The following PLXNA2 variants were observed in gnomAD, a reference collection of about 807,000 sequenced individuals.
The protein encoded by PLXNA2 is plexin-A2.
Under a neutral mutation model 193.5 loss-of-function variants are expected in PLXNA2, and 91 were observed. The ratio of observed to expected loss-of-function variants is 0.47; its 90% CI spans 0.40 to 0.56. The LOEUF (loss-of-function observed/expected upper bound fraction) is 0.56, where lower values mean the gene tolerates loss of function less well. Ranked by LOEUF, PLXNA2 falls within the 20% of genes least tolerant of loss-of-function variation. The probability of loss-of-function intolerance (pLI) is 0.00; values close to 1 mark genes in which losing one functional copy is unlikely to be tolerated. For missense variants in PLXNA2, 1,995 were observed against 2,503.2 expected (o/e 0.80, Z 4.33); for synonymous variants, 997 against 1,027.3 (o/e 0.97, Z 0.56).
intron 5 of PLXNA2, among the ~76,000 whole-genome samples, chr1:208,099,885 C>T (rs1306133211): frequency 6.6e-6 from 1 of 151,898 alleles, no homozygotes; most frequent in East Asian, 1.9e-4. Flanking sequence ...TGACTCTTTA[C>T]AGCACTGTGG....
In PLXNA2 at chr1:208,084,581, C is replaced by T; in HGVS notation, c.2098-1G>A. The T allele has an allele frequency of 6.2e-7, 1 of 1,613,734 alleles. No individual in the cohort carries two copies. Among genetic ancestry groups the T allele is most frequent in the Non-Finnish European group, 8.5e-7 (1 of 1,179,676 alleles). On this transcript the variant is annotated splice_acceptor_variant, in intron 9 of 31. Transcript: ENST00000367033. LOFTEE classifies it high-confidence loss of function. ...CTGTGGGCACCAGCTGGGGACAGTC[C>T]TGGGGGAACAAACGAAGAGGCTCCA...
At chr1:208,036,223 A>T (rs1201297565) in intron 26 of PLXNA2, among the ~76,000 whole-genome samples, 1 of 152,224 alleles carries the variant, frequency 6.6e-6, no homozygotes, top group Non-Finnish European at 1.5e-5. Flanking sequence ...ATACCTGGAA[A>T]GCTTGGCAGG....
chr1:208,237,069 C>T (rs148467633), intron 1 of PLXNA2, among the ~76,000 whole-genome samples: 1 of 152,326 alleles, frequency 6.6e-6, no homozygotes, highest in Non-Finnish European at 1.5e-5. Flanking sequence ...ATTAGCATCC[C>T]TTACCCTCTT....
At chr1:208,069,172 G>T (rs973370072) in intron 12 of PLXNA2, among the ~76,000 whole-genome samples, 3 of 152,242 alleles carry the variant, frequency 2.0e-5, no homozygotes, top group Middle Eastern at 3.4e-3. Flanking sequence ...GGCATGCCTA[G>T]GTCATAGCAC....
chr1:208,228,714 A>G (rs1450461651), intron 1 of PLXNA2, among the ~76,000 whole-genome samples: 1 of 151,418 alleles, frequency 6.6e-6, no homozygotes, highest in East Asian at 1.9e-4. Context: ...CTCACTGCCC[A>G]CCTCTCCCAG....
Position 208,244,083 on chromosome 1 carries a change from TCA to T in PLXNA2, c.-523_-522del, listed in dbSNP as rs1672153251. ...CTTCCCTTCTTGCTCTCCGGTTCGTTCACAGTCCCATTTCCTCCGGGAGCCTG... is the reference window on the plus strand; with the variant it reads ...CTTCCCTTCTTGCTCTCCGGTTCGTTCAGTCCCATTTCCTCCGGGAGCCTG... On this transcript the variant is annotated 5_prime_UTR_variant, in exon 1 of 32. An upstream open reading frame in the 5' UTR loses its in-frame stop. Transcript: ENST00000367033. The T allele has an allele frequency of 6.5e-6, 1 of 152,980 alleles. No homozygotes were observed. Among genetic ancestry groups the T allele is most frequent in the African/African-American group, 2.4e-5 (1 of 41,462 alleles). 9.5% of individuals were successfully genotyped at this position (152,980 alleles called of 1,614,324 possible).
At position 208,029,045 on chromosome 1, in the gene PLXNA2, G is replaced by A. The variant is rs757760810; in HGVS notation, c.5226-3C>T. 1.9e-6 allele frequency: 3 copies of A among 1,614,096 alleles called. No homozygotes were observed. Among genetic ancestry groups the A allele is most frequent in the Non-Finnish European group, 2.5e-6 (3 of 1,179,974 alleles). On this transcript the variant is annotated splice_region_variant and splice_polypyrimidine_tract_variant and intron_variant, in intron 29 of 31. Coordinates refer to ENST00000367033, the MANE Select transcript of PLXNA2 (RefSeq NM_025179.4). ...TCACCCAGAAGCGCAGAGGGAGGCT[G>A]TGGGGAAAGGCAGAGAAGACTTGAG...
intron 3 of PLXNA2, among the ~76,000 whole-genome samples, chr1:208,169,690 A>G (rs1041168935): frequency 6.6e-6 from 1 of 152,252 alleles, no homozygotes; most frequent in Admixed American, 6.5e-5. Context: ...AGCATGTTCA[A>G]CAGGTGAGAA....
intron 3 of PLXNA2, among the ~76,000 whole-genome samples, chr1:208,192,645 G>T (rs1670219065): frequency 6.6e-6 from 1 of 152,004 alleles, no homozygotes; most frequent in Non-Finnish European, 1.5e-5. Context: ...CCAGCACTTT[G>T]GGAGGCCAAG....
chr1:208,129,790 T>C (rs770166283), intron 4 of PLXNA2, among the ~76,000 whole-genome samples: 5 of 152,234 alleles, frequency 3.3e-5, no homozygotes, highest in African/African-American at 4.8e-5. Flanking sequence ...TCCATATGTA[T>C]GTGTGATAGT....
intron 3 of PLXNA2, among the ~76,000 whole-genome samples, chr1:208,198,804 G>T (rs1238883884): frequency 1.3e-5 from 2 of 152,220 alleles, no homozygotes; most frequent in African/African-American, 4.8e-5. Context: ...TAAAAAGCTA[G>T]TGGTTAAAAG....
At chr1:208,133,232 T>C (rs1371106323) in intron 4 of PLXNA2, among the ~76,000 whole-genome samples, 1 of 152,230 alleles carries the variant, frequency 6.6e-6, no homozygotes, top group Non-Finnish European at 1.5e-5. Context: ...TGAGTTACTT[T>C]AATCATTGAA....
At chr1:208,138,101 G>A (rs952161479) in intron 4 of PLXNA2, among the ~76,000 whole-genome samples, 3 of 152,180 alleles carry the variant, frequency 2.0e-5, no homozygotes, top group Non-Finnish European at 2.9e-5. Flanking sequence ...GAACTTGAAA[G>A]TCTTAAATTG....
At chr1:208,108,927 G>T (rs148681522) in intron 4 of PLXNA2, among the ~76,000 whole-genome samples, 1 of 152,354 alleles carries the variant, frequency 6.6e-6, no homozygotes, top group East Asian at 1.9e-4. Flanking sequence ...ATGCAAGAGA[G>T]ACACAGAGGG....
chr1:208,046,295 G>A (rs1665061916), intron 17 of PLXNA2, among the ~76,000 whole-genome samples, 178 bp from the exon 18 acceptor site: 1 of 152,180 alleles, frequency 6.6e-6, no homozygotes, highest in African/African-American at 2.4e-5. Context: ...GGGAGTGGGG[G>A]GCATTTTAGC....
At chr1:208,155,010 TGG>T (rs1558219347) in intron 3 of PLXNA2, among the ~76,000 whole-genome samples, 2 of 152,170 alleles carry the variant, frequency 1.3e-5, no homozygotes, top group Non-Finnish European at 2.9e-5. Context: ...AAAATTGGGC[TGG>T]GAGGAAATTC....
At chr1:208,195,050 G>A (rs144754004) in intron 3 of PLXNA2, among the ~76,000 whole-genome samples, 131 of 152,300 alleles carry the variant, frequency 8.6e-4, no homozygotes, top group Middle Eastern at 6.8e-3. Flanking sequence ...GGGAGCAGAA[G>A]AGCATTAGAG....
At chr1:208,046,512 C>T (rs1298848907) in intron 17 of PLXNA2, among the ~76,000 whole-genome samples, 3 of 151,852 alleles carry the variant, frequency 2.0e-5, no homozygotes, top group African/African-American at 4.8e-5. Context: ...AAATAAATGC[C>T]CTGGTAGGGA....
chr1:208,233,549 G>C (rs1251756512), intron 1 of PLXNA2, among the ~76,000 whole-genome samples: 1 of 152,180 alleles, frequency 6.6e-6, no homozygotes, highest in African/African-American at 2.4e-5. Context: ...CTGGATCCCA[G>C]CCCTCTTCAT....
Sources: gnomAD v4.1 joint callset for allele counts (sites outside exome capture counted in the v4.1 genomes callset) on GRCh38, gnomAD v4.1.1 for gene constraint, MANE v1.5 for transcripts, NCBI Gene and HGNC (gene_info 2026-07-23, HGNC 2026-07-21) for gene names.